Variants in CCT2 observed in about 807,000 individuals in gnomAD.
The protein encoded by CCT2 is T-complex protein 1 subunit beta.
Under a neutral mutation model 61.8 loss-of-function variants are expected in CCT2, and 18 were observed. That is an observed-to-expected ratio of 0.29 (90% CI 0.20 to 0.43). The LOEUF (loss-of-function observed/expected upper bound fraction) is 0.43. Ranked by LOEUF, CCT2 falls within the 20% of genes least tolerant of loss-of-function variation. The probability of loss-of-function intolerance (pLI) is 1.00; values close to 1 mark genes in which losing one functional copy is unlikely to be tolerated. For missense variants in CCT2, 556 were observed against 656.9 expected (o/e 0.85, Z 1.68); for synonymous variants, 248 against 215.9 (o/e 1.15, Z -1.30).
At chr12:69,590,785 C>T (rs1263471348) in intron 7 of CCT2, among the ~76,000 whole-genome samples, 1 of 149,990 alleles carries the variant, frequency 6.7e-6, no homozygotes, top group Non-Finnish European at 1.5e-5. Flanking sequence ...AGTATGATCT[C>T]GCCTCACTGC....
chr12:69,590,004 T>C (rs11177736), intron 7 of CCT2, among the ~76,000 whole-genome samples: 6,847 of 152,308 alleles, frequency 0.045, 503 homozygotes, highest in African/African-American at 0.16. Flanking sequence ...ATATGTATTC[T>C]CCAGGAAGGG....
chr12:69,595,963 T>TC (rs1417507818), intron 10 of CCT2, among the ~76,000 whole-genome samples: 1 of 152,224 alleles, frequency 6.6e-6, no homozygotes, highest in Non-Finnish European at 1.5e-5. Context: ...TTTGATCTAT[T>TC]CAAGAGGCTG....
chr12:69,601,026 C>G (rs1882132978), intron 15 of CCT2, among the ~76,000 whole-genome samples: 1 of 152,116 alleles, frequency 6.6e-6, no homozygotes, highest in Admixed American at 6.5e-5. Flanking sequence ...TCAGGTCTGT[C>G]TTCCTCCTCA....
intron 7 of CCT2, among the ~76,000 whole-genome samples, chr12:69,591,659 G>A (rs1881838905): frequency 6.6e-6 from 1 of 152,076 alleles, no homozygotes; most frequent in Admixed American, 6.6e-5. Context: ...TATATTTTCT[G>A]TTTCATATTT....
intron 3 of CCT2, 72 bp from the exon 4 acceptor site, chr12:69,587,433 G>A: frequency 2.3e-6 from 2 of 857,210 alleles, no homozygotes; most frequent in Non-Finnish European, 3.9e-6. Context: ...CACTGTGTGA[G>A]AATACTGATT....
intron 7 of CCT2, among the ~76,000 whole-genome samples, chr12:69,589,994 A>G (rs752988078): frequency 2.0e-5 from 3 of 152,204 alleles, no homozygotes; most frequent in East Asian, 1.9e-4. Context: ...TACCAGGATT[A>G]TATGTATTCT....
chr12:69,600,186 A>G (rs1467835486), intron 15 of CCT2, among the ~76,000 whole-genome samples, 182 bp downstream of exon 15: 2 of 152,220 alleles, frequency 1.3e-5, no homozygotes, highest in African/African-American at 2.4e-5. Context: ...GGAAAGAGGG[A>G]TGGGCAGCTG....
Position 69,586,829 on chromosome 12 carries a change from T to C in CCT2, c.144+11T>C, listed in dbSNP as rs1881678423. On this transcript the variant is annotated intron_variant, in intron 3 of 15. Transcript: ENST00000299300. ...GGACCCAAAGGCATGGTAAGAAAAA[T>C]AGAAAAGTTTTATATTTTAATATTG... 2 of 1,539,866 alleles carry C rather than the reference T, an allele frequency of 1.3e-6. No homozygotes were observed. Among genetic ancestry groups the C allele is most frequent in the African/African-American group, 1.4e-5 (1 of 71,836 alleles).
At chr12:69,600,474 A>G (rs1882117192) in intron 15 of CCT2, among the ~76,000 whole-genome samples, 1 of 152,364 alleles carries the variant, frequency 6.6e-6, no homozygotes, top group Middle Eastern at 3.4e-3. Context: ...GAGATCAGGT[A>G]TCTTTTATTA....
chr12:69,598,340 G>C lies in CCT2; in HGVS notation c.1354G>C (p.Asp452His). The change falls in exon 14 of 16, where the codon GAC becomes CAC. Residue 452 changes from aspartate (D) to histidine (H), a missense_variant. Transcript: ENST00000299300. ...TTCATAGTTGCCAACCATCATAGCT[G>C]ACAATGCAGGCTATGACAGTGCAGA... is the stretch of plus-strand genomic sequence containing the variant. Reference protein sequence around the residue: ...ALRMLPTIIADNAGYDSADLV... With the variant: ...ALRMLPTIIAHNAGYDSADLV... The C allele has an allele frequency of 6.3e-7, 1 of 1,590,266 alleles. No individual in the cohort carries two copies. Among genetic ancestry groups the C allele is most frequent in the Non-Finnish European group, 8.5e-7 (1 of 1,169,600 alleles).
At chr12:69,587,702 C>G in intron 4 of CCT2, 86 bp downstream of exon 4, 1 of 860,464 alleles carries the variant, frequency 1.2e-6, no homozygotes, top group Non-Finnish European at 1.9e-6. Context: ...CTGTGTTGAC[C>G]AATCGTACTG....
At chr12:69,588,317 C>G in intron 6 of CCT2, 55 bp downstream of exon 6, 1 of 1,253,996 alleles carries the variant, frequency 8.0e-7, no homozygotes, top group Non-Finnish European at 1.2e-6. Context: ...TCATAACATG[C>G]TTAATGCAAG....
rs1277476974 is a variant in CCT2, at chr12:69,598,357, C to T, written c.1371C>T (p.Asp457=). ...TCATAGCTGACAATGCAGGCTATGA[C>T]AGTGCAGACCTGGTGGCACAGCTCA... is the stretch of plus-strand genomic sequence containing the variant. ...PTIIADNAGY[D]SADLVAQLRA... Residue 457 remains aspartate (D), a synonymous_variant, in exon 14 of 16, where the codon GAC becomes GAT. Coordinates refer to ENST00000299300, the MANE Select transcript of CCT2 (RefSeq NM_006431.3). 1 of 1,603,470 alleles carries T rather than the reference C, an allele frequency of 6.2e-7. No homozygotes were observed.
chr12:69,598,478 CT>C (rs1445967921), intron 14 of CCT2, 57 bp downstream of exon 14: 112 of 1,022,778 alleles, frequency 1.1e-4, no homozygotes, highest in South Asian at 2.4e-4. Flanking sequence ...TTTCACTAAG[CT>C]TTTTTTTTCT....
In CCT2 at chr12:69,597,179, G is replaced by T; in HGVS notation, c.1006G>T (p.Asp336Tyr). 1 of 1,613,720 alleles carries T rather than the reference G, an allele frequency of 6.2e-7. No individual in the cohort carries two copies. The highest frequency in any genetic ancestry group is 1.1e-5 in the South Asian group (1 of 91,016). ...VTGGEIASTF[D>Y]HPELVKLGSC... ...AGGTGGTGAAATTGCCTCTACCTTT[G>T]ATCACCCAGAACTGGTGAAGCTTGG... Residue 336 changes from aspartate to tyrosine, a missense_variant, in exon 11 of 16, where the codon GAT (aspartate) becomes TAT (tyrosine). Physicochemically the swap from Asp to Tyr is radical, Grantham distance 160. This residue lies in a region of CCT2 where 225 missense variants were observed against 249.8 expected (regional missense o/e 0.90). Coordinates refer to ENST00000299300, the MANE Select transcript of CCT2 (RefSeq NM_006431.3).
chr12:69,586,215 G>T, intron 1 of CCT2, 55 bp from the exon 2 acceptor site: 1 of 1,318,512 alleles, frequency 7.6e-7, no homozygotes, highest in Non-Finnish European at 1.1e-6. Context: ...GCACCTCAGT[G>T]TATGTGTTAG....
intron 13 of CCT2, 56 bp from the exon 14 acceptor site, chr12:69,598,266 A>T: frequency 7.8e-7 from 1 of 1,279,642 alleles, no homozygotes; most frequent in Middle Eastern, 1.9e-4. Context: ...AGTTAGGAGT[A>T]AATCAGTGGT....
intron 10 of CCT2, among the ~76,000 whole-genome samples, chr12:69,595,453 G>T (rs1881958290): frequency 6.6e-6 from 1 of 152,142 alleles, no homozygotes; most frequent in Non-Finnish European, 1.5e-5. Flanking sequence ...CTTTAGGAAG[G>T]CCTAAGTGGG....
chr12:69,592,189 A>G (rs1262867176), intron 8 of CCT2, 30 bp downstream of exon 8: 1 of 1,295,180 alleles, frequency 7.7e-7, no homozygotes, highest in Non-Finnish European at 1.1e-6. Context: ...AAAAATTAAA[A>G]TTACTGCCCA....
Sources: gnomAD v4.1 joint callset for allele counts (sites outside exome capture counted in the v4.1 genomes callset) on GRCh38, gnomAD v4.1.1 for gene constraint, gnomAD v4.1.1 regional missense constraint, MANE v1.5 for transcripts, NCBI Gene and HGNC (gene_info 2026-07-23, HGNC 2026-07-21) for gene names.